SYT1: variants seen among roughly 807,000 people sequenced by gnomAD.
The protein encoded by SYT1 is synaptotagmin 1.
Under a neutral mutation model 44.8 loss-of-function variants are expected in SYT1, and 8 were observed. That is an observed-to-expected ratio of 0.18 (90% CI 0.10 to 0.32). SYT1 has a LOEUF of 0.32. Among genes scored for constraint, SYT1 ranks in the 10% least tolerant of loss-of-function variants. The pLI is 1.00. For synonymous variants in SYT1, 154 were observed against 188.8 expected, an observed-to-expected ratio of 0.82 and a Z score of 1.51; for missense variants, 286 against 509.3, an observed-to-expected ratio of 0.56 and a Z score of 4.22.
intron 4 of SYT1, among the ~76,000 whole-genome samples, chr12:79,251,672 C>A (rs528140299): frequency 1.5e-4 from 23 of 152,290 alleles, no homozygotes; most frequent in African/African-American, 5.5e-4. Context: ...GCTATAGATA[C>A]TTGCTTCCTT....
At chr12:79,403,068 A>C (rs900043402) in intron 9 of SYT1, among the ~76,000 whole-genome samples, 1 of 152,252 alleles carries the variant, frequency 6.6e-6, no homozygotes, top group African/African-American at 2.4e-5. Flanking sequence ...ATAAATGATA[A>C]TAAGTCATTA....
intron 3 of SYT1, among the ~76,000 whole-genome samples, chr12:79,153,113 C>T (rs565760231): frequency 8.3e-4 from 127 of 152,148 alleles, no homozygotes; most frequent in Middle Eastern, 3.4e-3. Flanking sequence ...GCATTAAACT[C>T]AAAAGGAACC....
At chr12:79,218,699 C>T (rs1918198) in intron 4 of SYT1, among the ~76,000 whole-genome samples, 3 of 152,138 alleles carry the variant, frequency 2.0e-5, no homozygotes, top group South Asian at 2.1e-4. Flanking sequence ...ACGAATACCA[C>T]GATTTCATTT....
At chr12:79,268,045 G>A (rs1304723415) in intron 4 of SYT1, among the ~76,000 whole-genome samples, 1 of 152,134 alleles carries the variant, frequency 6.6e-6, no homozygotes, top group Non-Finnish European at 1.5e-5. Context: ...CCTGCAGTGA[G>A]AAACATCAGT....
At chr12:78,881,482 G>A (rs948929422) in intron 1 of SYT1, among the ~76,000 whole-genome samples, 2 of 151,668 alleles carry the variant, frequency 1.3e-5, no homozygotes, top group Non-Finnish European at 2.9e-5. Flanking sequence ...CCATTTACTG[G>A]AGGAATGTCT....
At chr12:78,924,677 T>C (rs1367049935) in intron 1 of SYT1, among the ~76,000 whole-genome samples, 2 of 148,914 alleles carry the variant, frequency 1.3e-5, no homozygotes, top group African/African-American at 4.9e-5. Flanking sequence ...TATATTTCTT[T>C]ATATCTTTGA....
At chr12:79,028,529 C>T (rs1390642495) in intron 2 of SYT1, among the ~76,000 whole-genome samples, 1 of 151,194 alleles carries the variant, frequency 6.6e-6, no homozygotes, top group African/African-American at 2.4e-5. Flanking sequence ...GCACTGTGGG[C>T]CTCATATCCA....
intron 2 of SYT1, among the ~76,000 whole-genome samples, chr12:78,987,505 G>A (rs1210551210): frequency 6.6e-6 from 1 of 151,958 alleles, no homozygotes; most frequent in Admixed American, 6.6e-5. Flanking sequence ...CTCAGCTCTT[G>A]TTATATTTTA....
intron 9 of SYT1, among the ~76,000 whole-genome samples, chr12:79,354,700 A>T (rs1298011608): frequency 6.6e-6 from 1 of 152,196 alleles, no homozygotes; most frequent in Non-Finnish European, 1.5e-5. Context: ...CTAGCAGTGT[A>T]ACACAGCAAA....
intron 1 of SYT1, among the ~76,000 whole-genome samples, chr12:78,972,812 TCC>T (rs1451827079): frequency 6.6e-6 from 1 of 151,984 alleles, no homozygotes; most frequent in Non-Finnish European, 1.5e-5. Context: ...TTAAGTTATA[TCC>T]CCACCAGTCT....
At chr12:79,295,094 G>A (rs932091421) in intron 6 of SYT1, among the ~76,000 whole-genome samples, 6 of 151,988 alleles carry the variant, frequency 3.9e-5, no homozygotes, top group Non-Finnish European at 8.8e-5. Flanking sequence ...AGATTTTTCA[G>A]GCTGAGATGT....
intron 1 of SYT1, among the ~76,000 whole-genome samples, chr12:78,906,916 T>A (rs1380074572): frequency 6.6e-6 from 1 of 152,146 alleles, no homozygotes; most frequent in Admixed American, 6.6e-5. Flanking sequence ...AATTAAGACT[T>A]CATAACCGCA....
chr12:78,919,015 G>A (rs765402266), intron 1 of SYT1, among the ~76,000 whole-genome samples: 41 of 151,848 alleles, frequency 2.7e-4, no homozygotes, highest in Admixed American at 2.4e-3. Context: ...AGATTATAAC[G>A]AAAATTTTAA....
intron 8 of SYT1, among the ~76,000 whole-genome samples, chr12:79,337,225 C>A (rs1307518888): frequency 6.6e-6 from 1 of 152,134 alleles, no homozygotes; most frequent in Non-Finnish European, 1.5e-5. Context: ...CAGAGTGCAC[C>A]TAGGAGCTGA....
intron 2 of SYT1, among the ~76,000 whole-genome samples, chr12:79,022,386 A>C (rs1199725441): frequency 6.6e-6 from 1 of 151,826 alleles, no homozygotes; most frequent in Non-Finnish European, 1.5e-5. Context: ...GTAGACCCCA[A>C]GACGTTTTTA....
chr12:79,307,759 T>G (rs1471292558), intron 8 of SYT1, among the ~76,000 whole-genome samples: 2 of 152,212 alleles, frequency 1.3e-5, no homozygotes, highest in East Asian at 3.8e-4. Context: ...TGGAATGGCC[T>G]TGCCTAACGG....
intron 3 of SYT1, among the ~76,000 whole-genome samples, chr12:79,119,346 C>A (rs1435636841): frequency 6.6e-6 from 1 of 152,148 alleles, no homozygotes; most frequent in African/African-American, 2.4e-5. Context: ...AGAAAACAGG[C>A]CAAGCTTCCT....
intron 1 of SYT1, among the ~76,000 whole-genome samples, chr12:78,974,199 GGTAA>G (rs923522424): frequency 2.7e-5 from 4 of 150,254 alleles, no homozygotes; most frequent in East Asian, 1.9e-4. Context: ...GTAACACAAT[GGTAA>G]GTATTTGTGT....
At chr12:79,286,232 A>G (rs1473040360) in intron 5 of SYT1, among the ~76,000 whole-genome samples, 1 of 152,174 alleles carries the variant, frequency 6.6e-6, no homozygotes, top group Non-Finnish European at 1.5e-5. Flanking sequence ...GGCATATGAG[A>G]ATGATGCCTG....
Sources: allele counts gnomAD v4.1 joint callset (sites outside exome capture counted in the v4.1 genomes callset), GRCh38; gene constraint gnomAD v4.1.1; transcripts MANE v1.5; gene names NCBI Gene and HGNC (gene_info 2026-07-23, HGNC 2026-07-21).